PARD3B: variants seen among roughly 807,000 people sequenced by gnomAD.
PARD3B encodes partitioning defective 3 homolog B.
Under a neutral mutation model 130.2 loss-of-function variants are expected in PARD3B, and 103 were observed. That is an observed-to-expected ratio of 0.79 (90% confidence interval 0.67 to 0.93). The LOEUF is 0.93. PARD3B is among the 40% of genes least tolerant of loss of function. The pLI is 0.00. For synonymous variants in PARD3B, 583 were observed against 553.2 expected, an observed-to-expected ratio of 1.05 and a Z score of -0.76; for missense variants, 1,609 against 1,499.2, an observed-to-expected ratio of 1.07 and a Z score of -1.21.
chr2:204,679,809 C>G (rs1428442621), intron 1 of PARD3B, among the ~76,000 whole-genome samples: 1 of 151,734 alleles, frequency 6.6e-6, no homozygotes, highest in East Asian at 1.9e-4. Context: ...ATCATTTGAT[C>G]TTTATCATTT....
intron 4 of PARD3B, among the ~76,000 whole-genome samples, chr2:205,053,987 G>A (rs1443642702): frequency 2.0e-5 from 3 of 152,108 alleles, no homozygotes; most frequent in Non-Finnish European, 2.9e-5. Flanking sequence ...GATAAGACCA[G>A]AGCTTGAAGA....
chr2:205,387,037 G>A (rs2045686333), intron 18 of PARD3B, among the ~76,000 whole-genome samples: 1 of 152,126 alleles, frequency 6.6e-6, no homozygotes, highest in Non-Finnish European at 1.5e-5. Context: ...TTTGAAATAT[G>A]TTGGTGCTTG....
At chr2:205,119,087 T>A in intron 7 of PARD3B, 41 bp downstream of exon 7, 1 of 1,571,440 alleles carries the variant, frequency 6.4e-7, no homozygotes, top group Non-Finnish European at 8.6e-7. Context: ...TCTTGATCCC[T>A]AGCATGGTTA....
chr2:205,286,874 C>T lies in PARD3B; in HGVS notation c.2186-13656C>T, dbSNP rs527289943. Among the ~76,000 whole-genome samples the T allele has an allele frequency of 2.0e-5, 3 of 152,326 alleles. No individual in the cohort carries two copies. In the East Asian group the frequency reaches 5.8e-4, roughly 29 times the overall value. On this transcript the variant is annotated intron_variant, in intron 16 of 22. Coordinates refer to ENST00000406610, the MANE Select transcript of PARD3B (RefSeq NM_001302769.2). ...CATAGCAAGAATTGATTTTACCTCT[C>T]TTTTGAAAGCCATTCTATTTTTCTA...
At chr2:205,038,436 A>G (rs1362528627) in intron 3 of PARD3B, among the ~76,000 whole-genome samples, 1 of 152,170 alleles carries the variant, frequency 6.6e-6, no homozygotes, top group Non-Finnish European at 1.5e-5. Flanking sequence ...GAGACCTGGC[A>G]TTAACTAACC....
chr2:205,227,486 G>T (rs181718916), intron 15 of PARD3B, among the ~76,000 whole-genome samples: 1,601 of 152,108 alleles, frequency 0.011, 33 homozygotes, highest in African/African-American at 0.036. Context: ...TTGCCTGATG[G>T]AAATATACCT....
chr2:204,866,437 C>T (rs1390631692), intron 2 of PARD3B, among the ~76,000 whole-genome samples: 4 of 151,972 alleles, frequency 2.6e-5, no homozygotes, highest in African/African-American at 9.7e-5. Context: ...ATTTCTCAAG[C>T]CATGTTTACA....
At chr2:205,581,255 T>TATATAG (rs1553552251) in intron 22 of PARD3B, among the ~76,000 whole-genome samples, 9 of 136,010 alleles carry the variant, frequency 6.6e-5, no homozygotes, top group African/African-American at 1.2e-4. Context: ...TATATAGATA[T>TATATAG]ATATAGATAT....
At chr2:205,132,253 G>A (rs2032070893) in intron 10 of PARD3B, among the ~76,000 whole-genome samples, 1 of 152,214 alleles carries the variant, frequency 6.6e-6, no homozygotes, top group Non-Finnish European at 1.5e-5. Context: ...ACTGGTAGAT[G>A]TGGGAGTGAA....
At chr2:204,796,932 T>C (rs1445556233) in intron 2 of PARD3B, among the ~76,000 whole-genome samples, 1 of 152,124 alleles carries the variant, frequency 6.6e-6, no homozygotes, top group Non-Finnish European at 1.5e-5. Flanking sequence ...CTTAGCACTT[T>C]GGGAGGTGGA....
At chr2:205,501,101 T>TG (rs2050143427) in intron 21 of PARD3B, among the ~76,000 whole-genome samples, 1 of 152,108 alleles carries the variant, frequency 6.6e-6, no homozygotes, top group African/African-American at 2.4e-5. Flanking sequence ...TACATCTGTG[T>TG]GGGGGGCCTG....
intron 3 of PARD3B, among the ~76,000 whole-genome samples, chr2:205,012,300 A>C (rs1006588796): frequency 6.6e-6 from 1 of 152,122 alleles, no homozygotes; most frequent in Non-Finnish European, 1.5e-5. Flanking sequence ...GGATGGTTGA[A>C]TTTCTGTATT....
chr2:205,104,385 T>C, intron 4 of PARD3B, 41 bp from the exon 5 acceptor site: 1 of 1,384,700 alleles, frequency 7.2e-7, no homozygotes, highest in Non-Finnish European at 1.0e-6. Context: ...TTCAATTCAA[T>C]ATGCACAGCA....
rs2106159306 is a variant in PARD3B at position 205,440,379 on chromosome 2, A to T, written c.2751A>T (p.Ala917=). The T allele has an allele frequency of 6.2e-7, 1 of 1,613,816 alleles. No individual in the cohort carries two copies. The highest frequency in any genetic ancestry group is 1.1e-5 in the South Asian group (1 of 91,070). Residue 917 remains alanine, a synonymous_variant, in exon 20 of 23, where the codon GCA becomes GCT. Coordinates refer to ENST00000406610, the MANE Select transcript of PARD3B (RefSeq NM_001302769.2). The surrounding 1 kb of genome is among the most constrained non-coding windows in gnomAD (Gnocchi z 4.2). ...KMKEERERIG[A]KHQELREKQA... ...GTACTGTATTTTTCAGGATTGGAGC[A>T]AAACATCAGGAGCTAAGGGAAAAGC...
rs2047672695 is a variant in PARD3B, at chr2:205,440,452, T to C, written c.2824T>C (p.Tyr942His). The part of the protein sequence containing the change: ...DYATGAIGSV[Y>H]DMDDDEMDPN... ...TGCTACTGGTGCAATTGGATCAGTGTATGATATGGATGATGATGAAATGGA... is the reference window on the plus strand; with the variant it reads ...TGCTACTGGTGCAATTGGATCAGTGCATGATATGGATGATGATGAAATGGA... The change falls in exon 20 of 23, where the codon TAT becomes CAT. Residue 942 changes from tyrosine (Y) to histidine (H), a missense_variant. By Grantham distance (83) the Tyr-to-His change is moderately conservative. Coordinates refer to ENST00000406610, the MANE Select transcript of PARD3B (RefSeq NM_001302769.2). The surrounding 1 kb of genome is among the most constrained non-coding windows in gnomAD (Gnocchi z 4.2). The C allele has an allele frequency of 3.1e-6, 5 of 1,614,092 alleles. No individual in the cohort carries two copies. The highest frequency in any genetic ancestry group is 8.5e-7 in the Non-Finnish European group (1 of 1,179,944).
At chr2:204,651,679 T>C (rs185652638) in intron 1 of PARD3B, among the ~76,000 whole-genome samples, 1 of 152,308 alleles carries the variant, frequency 6.6e-6, no homozygotes, top group East Asian at 1.9e-4. Context: ...GGACTGTGTA[T>C]GGGGGCTCCA....
chr2:205,315,564 G>T (rs2042537646), intron 18 of PARD3B, among the ~76,000 whole-genome samples: 1 of 152,160 alleles, frequency 6.6e-6, no homozygotes, highest in Non-Finnish European at 1.5e-5. Context: ...GCTGATGATT[G>T]TAATGCAGCC....
intron 18 of PARD3B, among the ~76,000 whole-genome samples, chr2:205,383,129 T>TAGATAGAG (rs1574874309): frequency 2.9e-5 from 4 of 137,968 alleles, no homozygotes; most frequent in Admixed American, 8.4e-5. Context: ...GATAGATAGA[T>TAGATAGAG]AGATAGATAG....
intron 18 of PARD3B, among the ~76,000 whole-genome samples, chr2:205,338,172 A>C (rs1427277278): frequency 1.3e-5 from 2 of 151,346 alleles, no homozygotes; most frequent in Non-Finnish European, 3.0e-5. Flanking sequence ...AAAAAAAAAA[A>C]AAAAAAGGCT....
Sources: allele counts gnomAD v4.1 joint callset (sites outside exome capture counted in the v4.1 genomes callset), GRCh38; gene constraint gnomAD v4.1.1; non-coding constraint Gnocchi (gnomAD v3.1); transcripts MANE v1.5; gene names NCBI Gene and HGNC (gene_info 2026-07-23, HGNC 2026-07-21).